The following DCAF12 variants were observed in gnomAD, a reference collection of about 807,000 sequenced individuals.
DCAF12 encodes the protein DDB1 and CUL4 associated factor 12.
DCAF12 carries 28 observed loss-of-function variants against 52.8 expected under a neutral mutation model. That is an observed-to-expected ratio of 0.53 (90% CI 0.39 to 0.73). The LOEUF (loss-of-function observed/expected upper bound fraction) is 0.73, where lower values mean the gene tolerates loss of function less well. Ranked by LOEUF, DCAF12 falls within the 30% of genes least tolerant of loss-of-function variation. DCAF12 has a pLI of 0.00. For missense variants in DCAF12, 425 were observed against 552.2 expected, an observed-to-expected ratio of 0.77 and a Z score of 2.31; for synonymous variants, 196 against 215.5, an observed-to-expected ratio of 0.91 and a Z score of 0.79.
At chr9:34,115,030 T>C (rs1428300995) in intron 2 of DCAF12, among the ~76,000 whole-genome samples, 1 of 151,896 alleles carries the variant, frequency 6.6e-6, no homozygotes, top group Non-Finnish European at 1.5e-5. Flanking sequence ...TTTCTAAAAT[T>C]CAAGGGTGTT....
intron 2 of DCAF12, among the ~76,000 whole-genome samples, chr9:34,113,236 G>C (rs1829033023): frequency 3.9e-5 from 6 of 152,138 alleles, no homozygotes; most frequent in Admixed American, 3.9e-4. Context: ...ATTTTTAGTA[G>C]AGACAGGGTT....
intron 7 of DCAF12, among the ~76,000 whole-genome samples, chr9:34,092,670 G>C (rs1414959676): frequency 6.7e-6 from 1 of 149,528 alleles, no homozygotes; most frequent in Non-Finnish European, 1.5e-5. Flanking sequence ...TGGCAAAAGA[G>C]CGAGACTCTG....
chr9:34,116,435 T>G (rs2131441221), intron 2 of DCAF12, among the ~76,000 whole-genome samples: 1 of 151,394 alleles, frequency 6.6e-6, no homozygotes, highest in Non-Finnish European at 1.5e-5. Context: ...CTTTGGGCGG[T>G]CAAGGCAGGC....
intron 2 of DCAF12, among the ~76,000 whole-genome samples, chr9:34,121,771 T>C (rs771580984): frequency 1.3e-5 from 2 of 152,012 alleles, no homozygotes; most frequent in African/African-American, 2.4e-5. Context: ...GGTGAAACCC[T>C]ATCTCTACTA....
chr9:34,116,261 G>A (rs748404737), intron 2 of DCAF12, among the ~76,000 whole-genome samples: 7 of 152,036 alleles, frequency 4.6e-5, no homozygotes, highest in Non-Finnish European at 8.8e-5. Flanking sequence ...GGAGGCTGAG[G>A]TAGGAGAATC....
chr9:34,096,787 A>T lies in DCAF12; in HGVS notation c.796-6T>A, dbSNP rs1374701989. On this transcript the variant is annotated splice_polypyrimidine_tract_variant and splice_region_variant and intron_variant, in intron 5 of 8. Transcript: ENST00000361264. The stretch of plus-strand genomic sequence containing the variant: ...AGAGACACTGCTCCCAGTTCCTACA[A>T]GAGCAATGAAAACCAGGTTATATTA... 6.2e-7 allele frequency: 1 copy of T among 1,613,546 alleles called. No homozygotes were observed. Among genetic ancestry groups the T allele is most frequent in the East Asian group, 2.2e-5 (1 of 44,880 alleles).
Position 34,087,832 on chromosome 9 carries a change from G to A in DCAF12, c.*518C>T, listed in dbSNP as rs1327710542. On this transcript the variant is annotated 3_prime_UTR_variant, in exon 9 of 9. Transcript: ENST00000361264. Reference sequence around the variant, plus strand: ...TCTTTTATAAATATTTTAATTACAAGTAATCCTCACTCCAGGTAATTTCAG... The same window carrying A: ...TCTTTTATAAATATTTTAATTACAAATAATCCTCACTCCAGGTAATTTCAG... The A allele has an allele frequency of 6.6e-6, 1 of 151,964 alleles. No individual in the cohort carries two copies. The highest frequency in any genetic ancestry group is 1.9e-4 in the East Asian group (1 of 5,192). 9.4% of individuals were successfully genotyped at this position (151,964 alleles called of 1,614,324 possible).
chr9:34,123,110 C>T (rs1294306737), intron 2 of DCAF12, among the ~76,000 whole-genome samples: 2 of 152,180 alleles, frequency 1.3e-5, no homozygotes, highest in Non-Finnish European at 2.9e-5. Flanking sequence ...TACTGCTGTG[C>T]TAGCTGGGGC....
intron 2 of DCAF12, among the ~76,000 whole-genome samples, chr9:34,119,703 T>G (rs1217885962): frequency 5.7e-4 from 13 of 22,768 alleles, no homozygotes; most frequent in Admixed American, 2.5e-3. Flanking sequence ...ACTTTTGCGG[T>G]TTTTTTTTTT....
intron 6 of DCAF12, among the ~76,000 whole-genome samples, chr9:34,096,455 C>A (rs576181975): frequency 6.6e-5 from 10 of 152,062 alleles, no homozygotes; most frequent in African/African-American, 2.4e-4. Flanking sequence ...AAAAAAAATA[C>A]CTGGGCATGT....
chr9:34,091,661 A>AAAAAAC (rs1554698965), intron 7 of DCAF12, among the ~76,000 whole-genome samples: 2 of 148,472 alleles, frequency 1.3e-5, no homozygotes, highest in Admixed American at 6.8e-5. Context: ...AAAAAAAAAA[A>AAAAAAC]CCACAAAAAA....
At chr9:34,091,197 C>T (rs965078993) in intron 7 of DCAF12, among the ~76,000 whole-genome samples, 4 of 151,684 alleles carry the variant, frequency 2.6e-5, no homozygotes, top group East Asian at 2.0e-4. Context: ...CATGGTGGTA[C>T]GCGCCTGTAG....
In DCAF12 at chr9:34,098,527, CAGG is replaced by C. The variant is rs141742042; in HGVS notation, c.602-13_602-11del. 52 of 1,608,854 alleles carry C rather than the reference CAGG, an allele frequency of 3.2e-5. No homozygotes were observed. The African/African-American group carries it at 5.7e-4, about 18-fold the overall frequency. On this transcript the variant is annotated splice_polypyrimidine_tract_variant and intron_variant, in intron 4 of 8. Coordinates refer to ENST00000361264, the MANE Select transcript of DCAF12 (RefSeq NM_015397.4). Reference sequence around the variant, plus strand: ...GAACCATCACGTGAGCCTGCAGGGCCAGGAGAACACAGATGTCAGATGTACCCA... The same window carrying C: ...GAACCATCACGTGAGCCTGCAGGGCCAGAACACAGATGTCAGATGTACCCA...
chr9:34,101,140 T>C (rs750338849), intron 4 of DCAF12, among the ~76,000 whole-genome samples: 33 of 150,914 alleles, frequency 2.2e-4, no homozygotes, highest in Admixed American at 6.7e-4. Flanking sequence ...AACATGATTA[T>C]GGCTCATTGT....
At chr9:34,100,834 T>C (rs560876218) in intron 4 of DCAF12, among the ~76,000 whole-genome samples, 111 of 151,846 alleles carry the variant, frequency 7.3e-4, no homozygotes, top group African/African-American at 2.5e-3. Flanking sequence ...AGATGGAGTC[T>C]CGATTTGTTG....
At chr9:34,120,682 A>AG (rs1829160034) in intron 2 of DCAF12, among the ~76,000 whole-genome samples, 1 of 151,470 alleles carries the variant, frequency 6.6e-6, no homozygotes, top group African/African-American at 2.4e-5. Flanking sequence ...AAAAAAAAAA[A>AG]AAAAAGAAAA....
chr9:34,106,656 A>G (rs1176873942), intron 3 of DCAF12, among the ~76,000 whole-genome samples, 162 bp from the exon 4 acceptor site: 1 of 152,210 alleles, frequency 6.6e-6, no homozygotes, highest in Non-Finnish European at 1.5e-5. Context: ...AGAATGATCA[A>G]TCTTTACCTT....
chr9:34,089,022 C>A (rs1828603957), intron 8 of DCAF12, among the ~76,000 whole-genome samples: 1 of 150,176 alleles, frequency 6.7e-6, no homozygotes, highest in Non-Finnish European at 1.5e-5. Flanking sequence ...GGCAGGAGGA[C>A]TGCTTGAGCC....
chr9:34,113,813 GAA>G (rs1336392972), intron 2 of DCAF12, among the ~76,000 whole-genome samples: 2 of 152,120 alleles, frequency 1.3e-5, no homozygotes, highest in East Asian at 3.9e-4. Context: ...AATGCATAAA[GAA>G]AATGTGGCAC....
Sources: gnomAD v4.1 joint callset for allele counts (sites outside exome capture counted in the v4.1 genomes callset) on GRCh38, gnomAD v4.1.1 for gene constraint, MANE v1.5 for transcripts, NCBI Gene and HGNC (gene_info 2026-07-23, HGNC 2026-07-21) for gene names.